The following SCN11A variants were observed in gnomAD, a reference collection of about 807,000 sequenced individuals.
SCN11A encodes sodium channel protein type 11 subunit alpha.
A neutral mutation model predicts 162.2 loss-of-function variants in SCN11A; 122 were observed. The observed-to-expected ratio is 0.75, with a 90% confidence interval of 0.65 to 0.87. SCN11A has a LOEUF of 0.87. SCN11A is among the 40% of genes least tolerant of loss of function. The pLI is 0.00. For missense variants in SCN11A, 2,015 were observed against 2,181.6 expected (o/e 0.92, Z 1.52); for synonymous variants, 758 against 751.5 (o/e 1.01, Z -0.14).
At chr3:38,975,141 C>T (rs1029072963) in intron 2 of SCN11A, among the ~76,000 whole-genome samples, 9 of 151,880 alleles carry the variant, frequency 5.9e-5, no homozygotes, top group East Asian at 3.9e-4. Context: ...TTTCAAAAAA[C>T]GACAGTAAAA....
chr3:38,876,199 T>C lies in SCN11A; in HGVS notation c.3393+3751A>G, dbSNP rs184667414. Among the ~76,000 whole-genome samples the C allele has an allele frequency of 2.3e-3, 347 of 152,102 alleles. 3 individuals are homozygous for C. The highest frequency in any genetic ancestry group is 7.8e-3 in the African/African-American group (326 of 41,544). On this transcript the variant is annotated intron_variant, in intron 23 of 29. Coordinates refer to ENST00000302328, the MANE Select transcript of SCN11A (RefSeq NM_001349253.2). ...CTGGATCCTCATCTCTCATCTTATATGAAAATCAACTCAAGAGGGATCAGG... is the reference window on the plus strand; with the variant it reads ...CTGGATCCTCATCTCTCATCTTATACGAAAATCAACTCAAGAGGGATCAGG...
At chr3:38,882,615 C>T (rs973277960) in intron 22 of SCN11A, among the ~76,000 whole-genome samples, 18 of 152,038 alleles carry the variant, frequency 1.2e-4, no homozygotes, top group Non-Finnish European at 2.5e-4. Flanking sequence ...ACAAGAAGGA[C>T]CAGAAGGTGT....
chr3:38,986,658 ATT>A (rs2030258085), intron 2 of SCN11A, among the ~76,000 whole-genome samples: 1 of 150,988 alleles, frequency 6.6e-6, no homozygotes, highest in South Asian at 2.1e-4. Context: ...TTGTTGTTGT[ATT>A]GAGTGGGAGT....
chr3:38,956,256 CA>C (rs1260014090), intron 3 of SCN11A, among the ~76,000 whole-genome samples: 1 of 151,174 alleles, frequency 6.6e-6, no homozygotes, highest in African/African-American at 2.4e-5. Flanking sequence ...AAAAAAAAAG[CA>C]AAAACAAACA....
At chr3:38,868,339 CT>C (rs1361624222) in intron 26 of SCN11A, among the ~76,000 whole-genome samples, 2 of 152,194 alleles carry the variant, frequency 1.3e-5, no homozygotes, top group Non-Finnish European at 2.9e-5. Context: ...GACTACCTGA[CT>C]TTAGTCCAAG....
intron 1 of SCN11A, among the ~76,000 whole-genome samples, chr3:39,035,783 G>T (rs1319513626): frequency 6.6e-6 from 1 of 152,016 alleles, no homozygotes; most frequent in Admixed American, 6.5e-5. Flanking sequence ...GGGACTACAG[G>T]CACCCGCCAC....
chr3:38,970,598 T>A (rs2066810753), intron 2 of SCN11A, among the ~76,000 whole-genome samples: 1 of 152,228 alleles, frequency 6.6e-6, no homozygotes. Context: ...GGTGAGTGTG[T>A]GTGCCTGCTC....
rs2031898173 is a variant in SCN11A, at chr3:39,036,090, G to T, written c.-403-3587C>A. On this transcript the variant is annotated intron_variant, in intron 1 of 29. Transcript: ENST00000302328. ...GATTGGCATAGTGCGTTATAGCCCA[G>T]AACTCCTGGACTTAAGCAATCCTCC... Among the ~76,000 whole-genome samples, 4 of 152,194 alleles carry T rather than the reference G, an allele frequency of 2.6e-5. 1 individual carries two copies. Among genetic ancestry groups the T allele is most frequent in the Admixed American group, 2.6e-4 (4 of 15,284 alleles).
At chr3:38,939,072 C>G (rs1349941108) in intron 7 of SCN11A, among the ~76,000 whole-genome samples, 11 of 151,938 alleles carry the variant, frequency 7.2e-5, no homozygotes, top group Admixed American at 7.2e-4. Context: ...ACTTGGGAGG[C>G]TGAGACACAA....
intron 28 of SCN11A, among the ~76,000 whole-genome samples, chr3:38,856,995 C>T (rs1056978200): frequency 1.4e-5 from 2 of 147,578 alleles, no homozygotes; most frequent in African/African-American, 2.5e-5. Flanking sequence ...ATTTAAAAAA[C>T]ACAGTTCAAT....
At chr3:39,005,794 A>G (rs2125600441) in intron 2 of SCN11A, among the ~76,000 whole-genome samples, 1 of 152,362 alleles carries the variant, frequency 6.6e-6, no homozygotes, top group Non-Finnish European at 1.5e-5. Flanking sequence ...GTATTTAAAC[A>G]TAACAATGAG....
At position 38,897,354 on chromosome 3, in the gene SCN11A, T is replaced by C. The variant is rs4484137; in HGVS notation, c.2023-129A>G. 814,352 of 817,108 alleles carry C rather than the reference T, an allele frequency of 1. 405,860 individuals carry two copies. The highest frequency in any genetic ancestry group is 1 in the East Asian group (37,548 of 37,548). The allele number at this position is 817,108 out of a possible 1,614,324, so 50.6% of individuals were successfully genotyped here. A position where few individuals can be genotyped will look rare whatever the true frequency, so the allele number is the denominator to read the frequency against. Reference sequence around the variant, plus strand: ...CCAAAACTCTCTTCAAAGTTAAATCTATCCTGAACATAGCCATCAGATCGC... The same window carrying C: ...CCAAAACTCTCTTCAAAGTTAAATCCATCCTGAACATAGCCATCAGATCGC... On this transcript the variant is annotated intron_variant, in intron 17 of 29. Transcript: ENST00000302328.
intron 2 of SCN11A, among the ~76,000 whole-genome samples, chr3:39,012,123 C>T (rs1238189400): frequency 1.3e-5 from 2 of 151,894 alleles, no homozygotes; most frequent in African/African-American, 2.4e-5. Context: ...GTCGGAAGTT[C>T]GAGACCAGAC....
chr3:39,051,892 TA>T lies in SCN11A; in HGVS notation c.-436del. The stretch of plus-strand genomic sequence containing the variant: ...ACATGGCTACCGGCCACACAGCAAC[TA>T]ACAGCACCGAGGAAACACAACAGCC... On this transcript the variant is annotated 5_prime_UTR_variant, in exon 1 of 30. Transcript: ENST00000302328. 2 of 1,094,110 alleles carry T rather than the reference TA, an allele frequency of 1.8e-6. No homozygotes were observed. Among genetic ancestry groups the T allele is most frequent in the Non-Finnish European group, 1.4e-6 (1 of 739,436 alleles). The allele number at this position is 1,094,110 out of a possible 1,614,324, so 67.8% of individuals were successfully genotyped here.
At chr3:38,961,323 A>C (rs2066739105) in intron 2 of SCN11A, among the ~76,000 whole-genome samples, 1 of 152,228 alleles carries the variant, frequency 6.6e-6, no homozygotes, top group South Asian at 2.1e-4. Context: ...AGCAAATGTG[A>C]TAATAGCTCT....
intron 2 of SCN11A, among the ~76,000 whole-genome samples, chr3:38,964,878 G>A (rs982158359): frequency 4.6e-5 from 7 of 152,214 alleles, no homozygotes. Context: ...TCAAGCTCTC[G>A]ATTACTTTAG....
At chr3:39,023,457 T>C (rs4676649) in intron 2 of SCN11A, among the ~76,000 whole-genome samples, 72,878 of 151,978 alleles carry the variant, frequency 0.48, 21,354 homozygotes, top group African/African-American at 0.84. Context: ...TTCATTTCTA[T>C]TTGTATTTTC....
At chr3:39,026,194 G>T (rs1412125754) in intron 2 of SCN11A, 2 of 152,072 alleles carry the variant, frequency 1.3e-5, no homozygotes, top group Non-Finnish European at 2.9e-5. Context: ...TCATTAGATT[G>T]TCTGCAATGA....
intron 1 of SCN11A, among the ~76,000 whole-genome samples, chr3:39,037,775 A>G (rs1002895029): frequency 2.6e-5 from 4 of 152,188 alleles, no homozygotes; most frequent in African/African-American, 9.7e-5. Flanking sequence ...ATATTGAGGG[A>G]TGACTGTACT....
Sources: gnomAD v4.1 joint callset for allele counts (sites outside exome capture counted in the v4.1 genomes callset) on GRCh38, gnomAD v4.1.1 for gene constraint, MANE v1.5 for transcripts, NCBI Gene and HGNC (gene_info 2026-07-23, HGNC 2026-07-21) for gene names.